Variants in LRRC7 observed in about 807,000 individuals in gnomAD.
The protein encoded by LRRC7 is leucine rich repeat containing 7.
A neutral mutation model predicts 175.7 loss-of-function variants in LRRC7; 23 were observed. That is an observed-to-expected ratio of 0.13 (90% confidence interval 0.09 to 0.19). The LOEUF is 0.19. Among genes scored for constraint, LRRC7 ranks in the 10% least tolerant of loss-of-function variants. The pLI, the probability that LRRC7 is intolerant of heterozygous loss-of-function variation, is 1.00. For missense variants in LRRC7, 1,354 were observed against 1,904.7 expected, an observed-to-expected ratio of 0.71 and a Z score of 5.38; for synonymous variants, 685 against 680.9, an observed-to-expected ratio of 1.01 and a Z score of -0.09.
intron 2 of LRRC7, among the ~76,000 whole-genome samples, chr1:69,717,778 G>GA (rs1665569455): frequency 7.5e-5 from 1 of 13,422 alleles, no homozygotes; most frequent in Non-Finnish European, 1.4e-4. Flanking sequence ...AAAAAAGAAA[G>GA]AAAGAAAGAA....
intron 3 of LRRC7, among the ~76,000 whole-genome samples, chr1:69,781,882 A>AAAGG (rs1172589755): frequency 1.0e-4 from 15 of 144,506 alleles, no homozygotes; most frequent in South Asian, 8.9e-4. Flanking sequence ...GGAAGAAAGA[A>AAAGG]AAGGAAGGAA....
chr1:70,003,965 A>C (rs1279179499), intron 11 of LRRC7, among the ~76,000 whole-genome samples: 1 of 152,204 alleles, frequency 6.6e-6, no homozygotes, highest in Non-Finnish European at 1.5e-5. Flanking sequence ...TTTCTCCAAT[A>C]ATCTAACGTA....
chr1:69,827,838 CA>C (rs924404078), intron 5 of LRRC7, among the ~76,000 whole-genome samples: 1 of 151,568 alleles, frequency 6.6e-6, no homozygotes, highest in Non-Finnish European at 1.5e-5. Flanking sequence ...GACCCTGTCT[CA>C]AAAAAATAAG....
intron 7 of LRRC7, among the ~76,000 whole-genome samples, chr1:69,858,889 C>A (rs1684031399): frequency 2.0e-5 from 3 of 151,874 alleles, no homozygotes; most frequent in Non-Finnish European, 2.9e-5. Flanking sequence ...TCTCTAGAGA[C>A]AAAGAAGTCA....
chr1:69,851,751 C>T (rs1008579657), intron 7 of LRRC7, among the ~76,000 whole-genome samples: 6 of 152,180 alleles, frequency 3.9e-5, no homozygotes, highest in Admixed American at 6.5e-5. Context: ...AATCTTCTGG[C>T]GGTGTTGACC....
rs536316285 is a variant in LRRC7, at chr1:69,795,367, A to G, written c.421+3207A>G. Among the ~76,000 whole-genome samples the G allele has an allele frequency of 1.9e-4, 25 of 133,880 alleles. No individual in the cohort carries two copies. In the South Asian group the frequency reaches 5.9e-3, roughly 31 times the overall value. The allele number at this position is 133,880 out of a possible 152,430, so 87.8% of individuals were successfully genotyped here. A position where few individuals can be genotyped will look rare whatever the true frequency, so the allele number is the denominator to read the frequency against. ...TCTAGCCTGGACGACAGAGCAAGAC[A>G]CCGTCTCGAAAAAAAAAAAAAAGCT... On this transcript the variant is annotated intron_variant, in intron 4 of 26. Coordinates refer to ENST00000651989, the MANE Select transcript of LRRC7 (RefSeq NM_001370785.2).
chr1:69,898,125 A>G (rs958250277), intron 7 of LRRC7, among the ~76,000 whole-genome samples: 10 of 152,216 alleles, frequency 6.6e-5, no homozygotes, highest in African/African-American at 1.9e-4. Flanking sequence ...GGCTTGGTGA[A>G]TAATTCATCA....
chr1:69,791,250 A>G (rs770344747), intron 3 of LRRC7, among the ~76,000 whole-genome samples: 1 of 152,032 alleles, frequency 6.6e-6, no homozygotes, highest in Non-Finnish European at 1.5e-5. Context: ...AAAATATGAT[A>G]CTGCAAACAC....
chr1:70,091,637 C>A (rs2102172446), intron 25 of LRRC7, among the ~76,000 whole-genome samples: 1 of 152,276 alleles, frequency 6.6e-6, no homozygotes, highest in East Asian at 1.9e-4. Flanking sequence ...GCTTTCAAAT[C>A]ATTGCCTGCA....
chr1:69,836,877 G>A (rs777358254), intron 6 of LRRC7, among the ~76,000 whole-genome samples: 16 of 145,822 alleles, frequency 1.1e-4, no homozygotes, highest in Non-Finnish European at 1.8e-4. Flanking sequence ...CTTGATAGGA[G>A]GCAAAAAAAA....
intron 23 of LRRC7, among the ~76,000 whole-genome samples, chr1:70,060,393 T>C (rs1319698646): frequency 3.3e-5 from 5 of 152,114 alleles, no homozygotes; most frequent in Admixed American, 6.6e-5. Flanking sequence ...TGTTTTCCAC[T>C]GAAAAGAAAT....
chr1:69,608,334 C>A (rs1647981376), intron 1 of LRRC7: 1 of 152,120 alleles, frequency 6.6e-6, no homozygotes, highest in Admixed American at 6.6e-5. Flanking sequence ...TGCCACAGCC[C>A]TCCTTTATAT....
At chr1:69,866,856 T>A (rs1684998436) in intron 7 of LRRC7, among the ~76,000 whole-genome samples, 1 of 152,144 alleles carries the variant, frequency 6.6e-6, no homozygotes, top group East Asian at 1.9e-4. Context: ...ATTTTATGAG[T>A]TATTTTTAGA....
intron 1 of LRRC7, among the ~76,000 whole-genome samples, chr1:69,663,021 G>T (rs565628913): frequency 5.0e-4 from 76 of 152,248 alleles, no homozygotes; most frequent in African/African-American, 1.8e-3. Flanking sequence ...TGGTCAGAGT[G>T]TTGCCCTGTT....
chr1:69,746,448 T>C (rs987512558), intron 2 of LRRC7, among the ~76,000 whole-genome samples: 44 of 152,226 alleles, frequency 2.9e-4, no homozygotes, highest in African/African-American at 1.0e-3. Flanking sequence ...ATCACATGTT[T>C]TTTAGAGTAT....
chr1:69,706,406 C>T (rs1385330446), intron 2 of LRRC7, among the ~76,000 whole-genome samples: 1 of 152,164 alleles, frequency 6.6e-6, no homozygotes, highest in Non-Finnish European at 1.5e-5. Context: ...ACCCAACCTT[C>T]TGACAGCTCT....
chr1:70,032,505 T>C (rs776300370), intron 18 of LRRC7, among the ~76,000 whole-genome samples: 3 of 152,186 alleles, frequency 2.0e-5, no homozygotes, highest in Non-Finnish European at 4.4e-5. Context: ...CTCTTCTTTT[T>C]CAAGAGAATT....
At chr1:69,711,236 A>C (rs1664714646) in intron 2 of LRRC7, among the ~76,000 whole-genome samples, 1 of 152,142 alleles carries the variant, frequency 6.6e-6, no homozygotes, top group African/African-American at 2.4e-5. Flanking sequence ...TTTCTGTCAA[A>C]CCTGTAATTC....
At chr1:69,976,088 G>A (rs546455186) in intron 8 of LRRC7, among the ~76,000 whole-genome samples, 54 of 151,872 alleles carry the variant, frequency 3.6e-4, no homozygotes, top group African/African-American at 1.3e-3. Context: ...TTTATCTTCA[G>A]CTCACTGTAA....
Sources: allele counts gnomAD v4.1 joint callset (sites outside exome capture counted in the v4.1 genomes callset), GRCh38; gene constraint gnomAD v4.1.1; transcripts MANE v1.5; gene names NCBI Gene and HGNC (gene_info 2026-07-23, HGNC 2026-07-21).